The following LIG4 variants were observed in gnomAD, a reference collection of about 807,000 sequenced individuals.
LIG4 encodes DNA ligase 4.
In LIG4, 13 loss-of-function variants were observed where a neutral mutation model predicts 19.0. The ratio of observed to expected loss-of-function variants is 0.68; its 90% CI spans 0.44 to 1.09. The LOEUF is 1.09. Ranked by LOEUF, LIG4 falls within the 50% of genes least tolerant of loss-of-function variation. The probability of loss-of-function intolerance (pLI) is 0.00; values close to 1 mark genes in which losing one functional copy is unlikely to be tolerated. For synonymous variants in LIG4, 361 were observed against 358.2 expected (o/e 1.01, Z -0.09); for missense variants, 1,026 against 1,089.7 (o/e 0.94, Z 0.82).
chr13:108,208,889 A>G lies in LIG4; in HGVS notation c.2380T>C (p.Ser794Pro). 1.2e-6 allele frequency: 2 copies of G among 1,614,146 alleles called. No homozygotes were observed. The highest frequency in any genetic ancestry group is 1.7e-6 in the Non-Finnish European group (2 of 1,180,002). The change falls in exon 3 of 3, where the codon TCT (serine) becomes CCT (proline). Residue 794 changes from serine (S) to proline (P), a missense_variant. Ser to Pro is a moderately conservative substitution (Grantham distance 74, BLOSUM62 -1). Coordinates refer to ENST00000442234, the MANE Select transcript of LIG4 (RefSeq NM_206937.2). ...CGATATTCTAAATCAGCAATCAGAG[A>G]AGCCATTTCTTCAGGAGTCTGCTCG... Reference protein sequence around the residue: ...SNEQTPEEMASLIADLEYRYS... With the variant: ...SNEQTPEEMAPLIADLEYRYS...
chr13:108,209,846 A>G lies in LIG4; in HGVS notation c.1423T>C (p.Ser475Pro), dbSNP rs1283042825. The change falls in exon 3 of 3, where the codon TCA (serine) becomes CCA (proline). Residue 475 changes from serine to proline, a missense_variant. Ser to Pro is a moderately conservative substitution (Grantham distance 74). This residue lies in a region of LIG4 where 12 missense variants were observed against 29.6 expected (regional missense o/e 0.40). Transcript: ENST00000442234. ...LIVGGYWGKG[S>P]RGGMMSHFLC... is the part of the protein sequence containing the mutation. Reference sequence around the variant, plus strand: ...AAATGAGACATCATTCCACCCCGTGATCCTTTACCCCAATATCCTCCAACA... The same window carrying G: ...AAATGAGACATCATTCCACCCCGTGGTCCTTTACCCCAATATCCTCCAACA... The G allele has an allele frequency of 6.8e-6, 11 of 1,614,038 alleles. No homozygotes were observed. The highest frequency in any genetic ancestry group is 9.3e-6 in the Non-Finnish European group (11 of 1,180,024).
At chr13:108,213,582 G>A (rs1373011398) in intron 2 of LIG4, among the ~76,000 whole-genome samples, 3 of 152,136 alleles carry the variant, frequency 2.0e-5, no homozygotes, top group African/African-American at 4.8e-5. Context: ...CAAAGATTAG[G>A]ACTTCCATTC....
At chr13:108,212,793 G>A (rs1263214860) in intron 2 of LIG4, among the ~76,000 whole-genome samples, 1 of 151,876 alleles carries the variant, frequency 6.6e-6, no homozygotes, top group Admixed American at 6.6e-5. Context: ...TAGAGGCCAG[G>A]AATTGTGCTG....
chr13:108,209,839 C>A lies in LIG4; in HGVS notation c.1430G>T (p.Gly477Val). ...ACACAGAAAATGAGACATCATTCCA[C>A]CCCGTGATCCTTTACCCCAATATCC... ...VGGYWGKGSR[G>V]GMMSHFLCAV... The change falls in exon 3 of 3, where the codon GGT (glycine) becomes GTT (valine). Residue 477 changes from glycine (G) to valine (V), a missense_variant. Physicochemically the swap from Gly to Val is moderately radical, Grantham distance 109 (BLOSUM62 -3). Transcript: ENST00000442234. The A allele has an allele frequency of 6.2e-7, 1 of 1,614,164 alleles. No individual in the cohort carries two copies. The highest frequency in any genetic ancestry group is 1.7e-5 in the Admixed American group (1 of 60,028).
Position 108,210,933 on chromosome 13 carries a change from G to A in LIG4, c.336C>T (p.Tyr112=), listed in dbSNP as rs772776994. Residue 112 remains tyrosine, a synonymous_variant, in exon 3 of 3, where the codon TAC becomes TAT. Transcript: ENST00000442234. The stretch of plus-strand genomic sequence containing the variant: ...CTCCATGAGTTCCAGTGGGTGTTCT[G>A]TAGTTTAAAAGTTTGAGGGCATCTT... ...DGKDALKLLN[Y]RTPTGTHGDA... 3 of 1,613,898 alleles carry A rather than the reference G, an allele frequency of 1.9e-6. No individual in the cohort carries two copies. In the South Asian group the frequency reaches 3.3e-5, roughly 18 times the overall value.
At position 108,210,675 on chromosome 13, in the gene LIG4, A is replaced by G; in HGVS notation, c.594T>C (p.Val198=). The stretch of plus-strand genomic sequence containing the variant: ...AAACAGAAAAGATAGTTTGCTGACT[A>G]ACACCAAGCTTTAAATCCTTTATGA... The part of the protein sequence containing the change: ...RMIIKDLKLG[V]SQQTIFSVFH... Residue 198 remains valine (V), a synonymous_variant, in exon 3 of 3, where the codon GTT becomes GTC. Coordinates refer to ENST00000442234, the MANE Select transcript of LIG4 (RefSeq NM_206937.2). The G allele has an allele frequency of 6.2e-7, 1 of 1,613,872 alleles. No homozygotes were observed. The highest frequency in any genetic ancestry group is 8.5e-7 in the Non-Finnish European group (1 of 1,179,942).
rs1468685405 is a variant in LIG4 at position 108,207,510 on chromosome 13, G to C, written c.*1023C>G. On this transcript the variant is annotated 3_prime_UTR_variant, in exon 3 of 3. Coordinates refer to ENST00000442234, the MANE Select transcript of LIG4 (RefSeq NM_206937.2). ...ACAAAATCACATACATTTGTTCCAC[G>C]GTTTGAATAAAATTTCCAATAACTT... The C allele has an allele frequency of 1.3e-5, 2 of 151,836 alleles. No homozygotes were observed. Among genetic ancestry groups the C allele is most frequent in the African/African-American group, 4.8e-5 (2 of 41,334 alleles). The allele number at this position is 151,836 out of a possible 1,614,324, so 9.4% of individuals were successfully genotyped here.
At position 108,207,697 on chromosome 13, in the gene LIG4, G is replaced by T. The variant is rs1038206227; in HGVS notation, c.*836C>A. The T allele has an allele frequency of 6.6e-6, 1 of 152,056 alleles. No individual in the cohort carries two copies. The highest frequency in any genetic ancestry group is 2.4e-5 in the African/African-American group (1 of 41,410). The allele number at this position is 152,056 out of a possible 1,614,324, so 9.4% of individuals were successfully genotyped here. A position where few individuals can be genotyped will look rare whatever the true frequency, so the allele number is the denominator to read the frequency against. On this transcript the variant is annotated 3_prime_UTR_variant, in exon 3 of 3. Coordinates refer to ENST00000442234, the MANE Select transcript of LIG4 (RefSeq NM_206937.2). ...AACTATGTCATTTTTAAAAGTCAAA[G>T]CAACTTATTTCTAATGAAAGTTACA...
rs749954101 is a variant in LIG4, at chr13:108,208,659, A to G, written c.2610T>C (p.Ser870=). 10 of 1,614,096 alleles carry G rather than the reference A, an allele frequency of 6.2e-6. No homozygotes were observed. The highest frequency in any genetic ancestry group is 8.5e-6 in the Non-Finnish European group (10 of 1,179,972). ...TAAAAGCTTTAAAATCTGCAACACG[A>G]CTATGATCTTCCCCAATTATTACAT... ...VSHVIIGEDH[S]RVADFKAFRR... Residue 870 remains serine (S), a synonymous_variant, in exon 3 of 3, where the codon AGT becomes AGC. Transcript: ENST00000442234.
upstream of LIG4, chr13:108,218,157 C>T (rs183415993): frequency 2.6e-5 from 4 of 152,304 alleles, no homozygotes; most frequent in Admixed American, 6.5e-5. Context: ...AATTGCTCCG[C>T]AAACCTGCGG....
At position 108,209,765 on chromosome 13, in the gene LIG4, T is replaced by C; in HGVS notation, c.1504A>G (p.Thr502Ala). The stretch of plus-strand genomic sequence containing the variant: ...CAGCCAGACCCAACACGAGAGAGAG[T>C]ATGAAACACAGATGGCTTCTCACCA... ...PPGEKPSVFH[T>A]LSRVGSGCTM... The change falls in exon 3 of 3, where the codon ACT becomes GCT. Residue 502 changes from threonine (T) to alanine (A), a missense_variant. Transcript: ENST00000442234. 6.2e-7 allele frequency: 1 copy of C among 1,613,834 alleles called. No individual in the cohort carries two copies. Among genetic ancestry groups the C allele is most frequent in the Non-Finnish European group, 8.5e-7 (1 of 1,179,972 alleles).
chr13:108,212,097 A>G (rs970272608), intron 2 of LIG4, among the ~76,000 whole-genome samples: 1 of 152,018 alleles, frequency 6.6e-6, no homozygotes, highest in Non-Finnish European at 1.5e-5. Context: ...TGAGTATTTA[A>G]TGACTACATA....
chr13:108,213,686 G>A (rs1878904924), intron 2 of LIG4, among the ~76,000 whole-genome samples: 1 of 152,184 alleles, frequency 6.6e-6, no homozygotes, highest in African/African-American at 2.4e-5. Flanking sequence ...CCTGGTTAGG[G>A]CTCAGGTTTT....
Position 108,208,685 on chromosome 13 carries a change from G to C in LIG4, c.2584C>G (p.His862Asp). 1 of 1,614,118 alleles carries C rather than the reference G, an allele frequency of 6.2e-7. No homozygotes were observed. The highest frequency in any genetic ancestry group is 8.5e-7 in the Non-Finnish European group (1 of 1,180,010). Residue 862 changes from histidine to aspartate, a missense_variant, in exon 3 of 3, where the codon CAT becomes GAT. His to Asp is a moderately conservative substitution (Grantham distance 81). Around this residue, in one of 3 missense-constraint regions of LIG4, gnomAD observed 521 missense variants for 515.5 expected, o/e 1.01. Coordinates refer to ENST00000442234, the MANE Select transcript of LIG4 (RefSeq NM_206937.2). ...CTATGATCTTCCCCAATTATTACAT[G>C]AGACACTCCCTCAGCTAAACAAGAA... is the stretch of plus-strand genomic sequence containing the variant. ...VVSCLAEGVS[H>D]VIIGEDHSRV... is the part of the protein sequence containing the mutation.
At position 108,208,266 on chromosome 13, in the gene LIG4, A is replaced by G. The variant is rs778616787; in HGVS notation, c.*267T>C. On this transcript the variant is annotated 3_prime_UTR_variant, in exon 3 of 3. Transcript: ENST00000442234. ...TTCTAGATTTCTATATGGATATTAT[A>G]AAAACACCTCTTCTTTAGACTGTTT... 7.3e-5 allele frequency: 22 copies of G among 299,836 alleles called. No homozygotes were observed. Among genetic ancestry groups the G allele is most frequent in the Non-Finnish European group, 1.2e-4 (19 of 161,598 alleles). The allele number at this position is 299,836 out of a possible 1,614,324, so 18.6% of individuals were successfully genotyped here. A position where few individuals can be genotyped will look rare whatever the true frequency, so the allele number is the denominator to read the frequency against.
upstream of LIG4, among the ~76,000 whole-genome samples, chr13:108,215,898 G>C (rs1233043714): frequency 6.6e-6 from 1 of 151,990 alleles, no homozygotes; most frequent in East Asian, 1.9e-4. Context: ...ACTCCCAAGA[G>C]AGAACAGGAC....
chr13:108,217,484 C>G (rs763631262), upstream of LIG4, among the ~76,000 whole-genome samples: 2 of 152,032 alleles, frequency 1.3e-5, no homozygotes, highest in South Asian at 4.1e-4. Context: ...CTTGCCATTG[C>G]ACTCCAGCCT....
Position 108,209,209 on chromosome 13 carries a change from C to A in LIG4, c.2060G>T (p.Gly687Val). 6.2e-7 allele frequency: 1 copy of A among 1,614,144 alleles called. No individual in the cohort carries two copies. ...DLENRIAEFG[G>V]YIVQNPGPDT... ...TGGGCCTGGATTTTGTACTATATAACCACCAAATTCTGCAATTCTGTTCTC... is the reference window on the plus strand; with the variant it reads ...TGGGCCTGGATTTTGTACTATATAAACACCAAATTCTGCAATTCTGTTCTC... Residue 687 changes from glycine to valine, a missense_variant, in exon 3 of 3, where the codon GGT becomes GTT. Physicochemically the swap from Gly to Val is moderately radical, Grantham distance 109 (BLOSUM62 -3). Coordinates refer to ENST00000442234, the MANE Select transcript of LIG4 (RefSeq NM_206937.2).
chr13:108,212,041 T>C (rs1056643474), intron 2 of LIG4, among the ~76,000 whole-genome samples: 1 of 152,122 alleles, frequency 6.6e-6, no homozygotes, highest in African/African-American at 2.4e-5. Flanking sequence ...TAAGTATAAA[T>C]TTATTAGTAT....
Sources: gnomAD v4.1 joint callset for allele counts (sites outside exome capture counted in the v4.1 genomes callset) on GRCh38, gnomAD v4.1.1 for gene constraint, gnomAD v4.1.1 regional missense constraint, MANE v1.5 for transcripts, NCBI Gene and HGNC (gene_info 2026-07-23, HGNC 2026-07-21) for gene names.